DDX50: variants seen among roughly 807,000 people sequenced by gnomAD.
DDX50 encodes the protein DExD-box helicase 50.
Under a neutral mutation model 94.8 loss-of-function variants are expected in DDX50, and 56 were observed. The ratio of observed to expected loss-of-function variants is 0.59; its 90% CI spans 0.48 to 0.74. DDX50 has a LOEUF of 0.74. Ranked by LOEUF, DDX50 falls within the 30% of genes least tolerant of loss-of-function variation. DDX50 has a pLI of 0.00. For missense variants in DDX50, 713 were observed against 881.2 expected, an observed-to-expected ratio of 0.81 and a Z score of 2.42; for synonymous variants, 264 against 295.4, an observed-to-expected ratio of 0.89 and a Z score of 1.09.
At chr10:68,916,827 G>A (rs1841807702) in intron 7 of DDX50, among the ~76,000 whole-genome samples, 1 of 152,128 alleles carries the variant, frequency 6.6e-6, no homozygotes, top group Admixed American at 6.5e-5. Context: ...TGGGATTACA[G>A]GCGCCCACCA....
intron 13 of DDX50, among the ~76,000 whole-genome samples, chr10:68,942,815 C>G (rs1345289303): frequency 6.6e-6 from 1 of 151,892 alleles, no homozygotes; most frequent in African/African-American, 2.4e-5. Flanking sequence ...GGAGTTTTCC[C>G]TATGTTGCCC....
intron 14 of DDX50, among the ~76,000 whole-genome samples, chr10:68,943,647 G>A (rs12249928): frequency 0.071 from 10,869 of 152,128 alleles, 511 homozygotes; most frequent in African/African-American, 0.12. Context: ...GGTCAGGCTG[G>A]GCTGAAACTC....
chr10:68,942,405 C>G (rs1262503410), intron 13 of DDX50, among the ~76,000 whole-genome samples: 4 of 151,974 alleles, frequency 2.6e-5, no homozygotes, highest in Non-Finnish European at 5.9e-5. Flanking sequence ...TTTAATATTA[C>G]TTGCCTTGTA....
At chr10:68,901,565 G>C in intron 1 of DDX50, 94 bp downstream of exon 1, 1 of 1,347,784 alleles carries the variant, frequency 7.4e-7, no homozygotes, top group East Asian at 2.7e-5. Flanking sequence ...GTCAGAACCG[G>C]GCCGGAGCAT....
rs1842278846 is a variant in DDX50, at chr10:68,931,674, C to T, written c.1240-2525C>T. ...TCCTGACCTCAGGTGATCCACCTAC[C>T]TCGGCCTCCCAAAGTGCTAGGATTA... On this transcript the variant is annotated intron_variant, in intron 8 of 14. Transcript: ENST00000373585. Among the ~76,000 whole-genome samples, 4 of 151,450 alleles carry T rather than the reference C, an allele frequency of 2.6e-5. No homozygotes were observed. In the South Asian group the frequency reaches 6.3e-4, roughly 24 times the overall value.
chr10:68,911,544 C>T (rs1841626496), intron 4 of DDX50: 1 of 208,414 alleles, frequency 4.8e-6, no homozygotes, highest in Non-Finnish European at 9.4e-6. Flanking sequence ...CTCTTTTCTT[C>T]AGTCCTGACC....
chr10:68,901,411 C>A lies in DDX50; in HGVS notation c.27C>A (p.Asp9Glu). The change falls in exon 1 of 15, where the codon GAC becomes GAA. Residue 9 changes from aspartate to glutamate, a missense_variant. Asp to Glu is a conservative substitution (Grantham distance 45). This residue lies in a region of DDX50 where 285 missense variants were observed against 278.9 expected (regional missense o/e 1.02). Transcript: ENST00000373585. MPGKLLWG[D>E]IMELEAPLEE... ...TGCCTGGGAAACTCCTCTGGGGGGA[C>A]ATTATGGAGCTGGAAGCACCCTTGG... The A allele has an allele frequency of 6.4e-7, 1 of 1,570,264 alleles. No homozygotes were observed. The highest frequency in any genetic ancestry group is 8.6e-7 in the Non-Finnish European group (1 of 1,158,368).
chr10:68,910,367 A>G lies in DDX50; in HGVS notation c.445A>G (p.Ile149Val). 1 of 1,605,260 alleles carries G rather than the reference A, an allele frequency of 6.2e-7. No homozygotes were observed. Among genetic ancestry groups the G allele is most frequent in the Non-Finnish European group, 8.5e-7 (1 of 1,177,566 alleles). ...CAATTTTCCTATTTCTGAAGAGACT[A>G]TAAAGCTTCTGAAAGGTATGCAGTT... ...FSNFPISEET[I>V]KLLKGRGVTY... Residue 149 changes from isoleucine (I) to valine (V), a missense_variant, in exon 3 of 15, where the codon ATA becomes GTA. By Grantham distance (29) the Ile-to-Val change is conservative. This residue lies in a region of DDX50 where 285 missense variants were observed against 278.9 expected (regional missense o/e 1.02). Transcript: ENST00000373585.
intron 8 of DDX50, among the ~76,000 whole-genome samples, chr10:68,923,790 T>C: frequency 6.6e-6 from 1 of 151,840 alleles, no homozygotes; most frequent in Non-Finnish European, 1.5e-5. Flanking sequence ...GTGATCGTTT[T>C]GCCTCGGCTT....
chr10:68,919,670 A>G (rs1345244869), intron 7 of DDX50, among the ~76,000 whole-genome samples, 162 bp from the exon 8 acceptor site: 2 of 152,152 alleles, frequency 1.3e-5, no homozygotes, highest in Non-Finnish European at 2.9e-5. Flanking sequence ...CAGTTTATTG[A>G]TGACCATTTG....
intron 1 of DDX50, among the ~76,000 whole-genome samples, chr10:68,905,224 T>G (rs1208628355): frequency 2.0e-5 from 3 of 152,128 alleles, no homozygotes; most frequent in Admixed American, 2.0e-4. Flanking sequence ...GCCACCAGGC[T>G]AAAGTCCTAA....
At chr10:68,930,055 CTTCCT>C (rs1253049168) in intron 8 of DDX50, among the ~76,000 whole-genome samples, 1 of 145,212 alleles carries the variant, frequency 6.9e-6, no homozygotes. Flanking sequence ...TCCTTCCTTC[CTTCCT>C]TTCTTTTCCT....
chr10:68,903,152 C>A (rs1289606546), intron 1 of DDX50, among the ~76,000 whole-genome samples: 4 of 152,120 alleles, frequency 2.6e-5, no homozygotes, highest in Non-Finnish European at 5.9e-5. Context: ...TGCCTGTAAT[C>A]CTAGCACTTT....
At chr10:68,915,254 A>G (rs898937580) in intron 7 of DDX50, among the ~76,000 whole-genome samples, 1 of 150,694 alleles carries the variant, frequency 6.6e-6, no homozygotes, top group African/African-American at 2.4e-5. Context: ...TTTACTAAAA[A>G]TACAAAAAAT....
chr10:68,913,085 TA>T (rs1026792567), intron 4 of DDX50, 76 bp from the exon 5 acceptor site: 20 of 1,223,302 alleles, frequency 1.6e-5, no homozygotes, highest in African/African-American at 3.1e-5. Flanking sequence ...TAAATGCACC[TA>T]AAAAAAGTCT....
chr10:68,921,182 CA>C lies in DDX50; in HGVS notation c.1239+1212del, dbSNP rs71031805. Among the ~76,000 whole-genome samples the C allele has an allele frequency of 7.1e-3, 1,009 of 142,068 alleles. 13 individuals carry two copies. The highest frequency in any genetic ancestry group is 0.023 in the African/African-American group (875 of 38,556). The allele number at this position is 142,068 out of a possible 152,430, so 93.2% of individuals were successfully genotyped here. On this transcript the variant is annotated intron_variant, in intron 8 of 14. Transcript: ENST00000373585. Reference sequence around the variant, plus strand: ...GTTATGTATCTCTAAAAAGGATTTTCAAAAAAAAAAATAACAATACTGTTAT... The same window carrying C: ...GTTATGTATCTCTAAAAAGGATTTTCAAAAAAAAAATAACAATACTGTTAT...
chr10:68,905,701 C>G (rs111249323), intron 1 of DDX50, among the ~76,000 whole-genome samples: 9,083 of 152,244 alleles, frequency 0.06, 881 homozygotes, highest in African/African-American at 0.2. Flanking sequence ...CACCTGAGGT[C>G]AGGAGTTTGA....
At chr10:68,936,109 T>C in intron 11 of DDX50, 30 bp downstream of exon 11, 2 of 1,568,168 alleles carry the variant, frequency 1.3e-6, no homozygotes, top group Non-Finnish European at 8.7e-7. Context: ...TGAATAATTG[T>C]TTCTTTTGTA....
intron 7 of DDX50, among the ~76,000 whole-genome samples, chr10:68,918,528 C>T (rs920566166): frequency 4.0e-5 from 6 of 149,260 alleles, no homozygotes; most frequent in African/African-American, 7.4e-5. Context: ...CTTCACCTCC[C>T]GGGTTCAAGC....
Sources: allele counts gnomAD v4.1 joint callset (sites outside exome capture counted in the v4.1 genomes callset), GRCh38; gene constraint gnomAD v4.1.1; regional missense constraint gnomAD v4.1.1; transcripts MANE v1.5; gene names NCBI Gene and HGNC (gene_info 2026-07-23, HGNC 2026-07-21).